The following CFAP299 variants were observed in gnomAD, a reference collection of about 807,000 sequenced individuals.
The protein encoded by CFAP299 is cilia- and flagella-associated protein 299.
A neutral mutation model predicts 27.0 loss-of-function variants in CFAP299; 21 were observed. The observed-to-expected ratio is 0.78, with a 90% CI of 0.55 to 1.12. The LOEUF is 1.12. Ranked by LOEUF, CFAP299 falls within the 50% of genes most tolerant of loss-of-function variation. The pLI is 0.00. For missense variants in CFAP299, 310 were observed against 276.6 expected (o/e 1.12, Z -0.86); for synonymous variants, 104 against 98.1 (o/e 1.06, Z -0.36).
intron 4 of CFAP299, among the ~76,000 whole-genome samples, chr4:80,930,180 T>C (rs2110217932): frequency 6.6e-6 from 1 of 152,266 alleles, no homozygotes; most frequent in African/African-American, 2.4e-5. Flanking sequence ...TAATTAGGCC[T>C]CTATAAAAAC....
chr4:80,613,039 G>A (rs17004955), intron 3 of CFAP299, among the ~76,000 whole-genome samples: 1 of 152,174 alleles, frequency 6.6e-6, no homozygotes, highest in South Asian at 2.1e-4. Context: ...TTACACATTT[G>A]ATTCCCCATA....
intron 3 of CFAP299, among the ~76,000 whole-genome samples, chr4:80,629,601 C>A (rs1337739212): frequency 6.6e-6 from 1 of 151,914 alleles, no homozygotes; most frequent in African/African-American, 2.4e-5. Flanking sequence ...AAAAATTGGC[C>A]AAGTGCAGTG....
chr4:80,632,702 C>G (rs1209859376), intron 3 of CFAP299, among the ~76,000 whole-genome samples: 3 of 147,704 alleles, frequency 2.0e-5, no homozygotes, highest in Non-Finnish European at 4.4e-5. Flanking sequence ...GATGAGGTGC[C>G]TATTTTCAAG....
At chr4:80,411,377 A>G (rs936024225) in intron 2 of CFAP299, among the ~76,000 whole-genome samples, 26 of 152,266 alleles carry the variant, frequency 1.7e-4, no homozygotes, top group Admixed American at 1.1e-3. Flanking sequence ...ATCACTGCCT[A>G]AGGTTTGCTT....
chr4:80,952,389 A>G (rs1310632724), intron 5 of CFAP299, among the ~76,000 whole-genome samples: 2 of 152,194 alleles, frequency 1.3e-5, no homozygotes, highest in African/African-American at 4.8e-5. Flanking sequence ...AAACTACCAG[A>G]GTAATTGACT....
At chr4:80,373,049 G>A (rs980322273) in intron 2 of CFAP299, among the ~76,000 whole-genome samples, 4 of 152,124 alleles carry the variant, frequency 2.6e-5, no homozygotes, top group South Asian at 2.1e-4. Flanking sequence ...TTCAACATGG[G>A]GGTTGTGCCA....
chr4:80,583,495 A>T (rs1435956239), intron 3 of CFAP299, among the ~76,000 whole-genome samples: 1 of 151,778 alleles, frequency 6.6e-6, no homozygotes. Context: ...CTCTTCTTAC[A>T]TTCTCCCAAG....
chr4:80,493,791 C>T (rs1234567268), intron 2 of CFAP299, among the ~76,000 whole-genome samples: 20 of 87,004 alleles, frequency 2.3e-4, no homozygotes, highest in South Asian at 4.8e-4. Context: ...TTTTTTGAGA[C>T]GGAGTCTCGC....
intron 4 of CFAP299, among the ~76,000 whole-genome samples, chr4:80,885,125 T>G (rs1233795950): frequency 6.6e-6 from 1 of 152,136 alleles, no homozygotes; most frequent in Non-Finnish European, 1.5e-5. Context: ...TAATAAGGAC[T>G]TGCTGGGCTC....
intron 3 of CFAP299, among the ~76,000 whole-genome samples, chr4:80,864,719 C>A (rs1456744952): frequency 1.3e-5 from 2 of 151,576 alleles, no homozygotes; most frequent in African/African-American, 2.4e-5. Context: ...ATTTCCATAT[C>A]CCCTAAGGAA....
intron 1 of CFAP299, among the ~76,000 whole-genome samples, chr4:80,340,677 G>T (rs1397137696): frequency 6.6e-6 from 1 of 152,216 alleles, no homozygotes; most frequent in Non-Finnish European, 1.5e-5. Flanking sequence ...TAGCCTTCTG[G>T]CTCTGGGGAG....
the CFAP299 span, among the ~76,000 whole-genome samples, chr4:80,329,287 C>A: frequency 0.63 from 93,901 of 149,078 alleles, 30,486 homozygotes; most frequent in Non-Finnish European, 0.72. Flanking sequence ...ATTTATATCT[C>A]CAATTTACTT....
At chr4:80,914,419 C>A (rs547577919) in intron 4 of CFAP299, among the ~76,000 whole-genome samples, 7 of 151,958 alleles carry the variant, frequency 4.6e-5, no homozygotes, top group African/African-American at 1.7e-4. Flanking sequence ...ACATTTGGGG[C>A]CAGATAATTT....
intron 3 of CFAP299, among the ~76,000 whole-genome samples, chr4:80,839,122 A>G (rs1029094742): frequency 6.6e-6 from 1 of 152,122 alleles, no homozygotes; most frequent in African/African-American, 2.4e-5. Flanking sequence ...TCCTTCCAAA[A>G]GAATTGTGAA....
intron 3 of CFAP299, among the ~76,000 whole-genome samples, chr4:80,717,800 T>A (rs1201903028): frequency 6.6e-6 from 1 of 152,100 alleles, no homozygotes; most frequent in Non-Finnish European, 1.5e-5. Context: ...TAATTCTCAT[T>A]TTATCCTCTT....
intron 2 of CFAP299, among the ~76,000 whole-genome samples, chr4:80,486,432 G>A (rs1317504753): frequency 6.6e-6 from 1 of 152,180 alleles, no homozygotes; most frequent in Non-Finnish European, 1.5e-5. Context: ...TTCAGGTTTG[G>A]CTGCTAAAGG....
intron 2 of CFAP299, among the ~76,000 whole-genome samples, chr4:80,579,390 T>C (rs1736053755): frequency 6.6e-6 from 1 of 152,192 alleles, no homozygotes; most frequent in African/African-American, 2.4e-5. Flanking sequence ...TATTCCAGGC[T>C]GCTACATGCC....
intron 2 of CFAP299, among the ~76,000 whole-genome samples, chr4:80,501,215 G>A (rs1731726764): frequency 6.6e-6 from 1 of 151,842 alleles, no homozygotes; most frequent in South Asian, 2.1e-4. Context: ...TTTATAATAT[G>A]AGATTACTTA....
intron 2 of CFAP299, among the ~76,000 whole-genome samples, chr4:80,385,346 T>C (rs1159088701): frequency 6.6e-6 from 1 of 152,212 alleles, no homozygotes; most frequent in Non-Finnish European, 1.5e-5. Context: ...TTTTGTTTTA[T>C]TGTTTTCATA....
Sources: allele counts gnomAD v4.1 joint callset (sites outside exome capture counted in the v4.1 genomes callset), GRCh38; gene constraint gnomAD v4.1.1; transcripts MANE v1.5; gene names NCBI Gene and HGNC (gene_info 2026-07-23, HGNC 2026-07-21).